SNX8: variants seen among roughly 807,000 people sequenced by gnomAD.
The protein encoded by SNX8 is sorting nexin-8.
SNX8 carries 25 observed loss-of-function variants against 51.6 expected under a neutral mutation model. The ratio of observed to expected loss-of-function variants is 0.48; its 90% confidence interval spans 0.35 to 0.68. The LOEUF (loss-of-function observed/expected upper bound fraction) is 0.68, where lower values mean the gene tolerates loss of function less well. Ranked by LOEUF, SNX8 falls within the 30% of genes least tolerant of loss-of-function variation. SNX8 has a pLI of 0.00. For missense variants in SNX8, 695 were observed against 624.0 expected, an observed-to-expected ratio of 1.11 and a Z score of -1.21; for synonymous variants, 324 against 277.0, an observed-to-expected ratio of 1.17 and a Z score of -1.68.
chr7:2,323,607 G>A (rs147391001), intron 1 of SNX8, among the ~76,000 whole-genome samples: 78 of 152,240 alleles, frequency 5.1e-4, no homozygotes, highest in African/African-American at 1.9e-3. Context: ...TGCAGGAGCC[G>A]CTAAATGATA....
intron 1 of SNX8, among the ~76,000 whole-genome samples, chr7:2,325,452 G>C (rs913311805): frequency 6.6e-6 from 1 of 152,170 alleles, no homozygotes; most frequent in African/African-American, 2.4e-5. Flanking sequence ...AATCATCTGG[G>C]AGGATGCCTA....
intron 1 of SNX8, among the ~76,000 whole-genome samples, chr7:2,341,476 G>A (rs1051335589): frequency 6.0e-4 from 90 of 150,960 alleles, no homozygotes; most frequent in African/African-American, 2.1e-3. Flanking sequence ...TCCAGCCTGG[G>A]CAACAAGAGC....
intron 9 of SNX8, 129 bp downstream of exon 9, chr7:2,257,231 CCTCCA>C: frequency 8.3e-7 from 1 of 1,201,854 alleles, no homozygotes; most frequent in Non-Finnish European, 1.1e-6. Flanking sequence ...CAGCTCCCTG[CCTCCA>C]CTGCACCCCC....
intron 1 of SNX8, among the ~76,000 whole-genome samples, chr7:2,305,627 G>A (rs1796528250): frequency 6.6e-6 from 1 of 152,040 alleles, no homozygotes; most frequent in Non-Finnish European, 1.5e-5. Flanking sequence ...GCCTCCCTAA[G>A]TGCTGGGATT....
At chr7:2,317,251 C>CTTTTT (rs780593342), upstream of SNX8, among the ~76,000 whole-genome samples, 31 of 43,116 alleles carry the variant, frequency 7.2e-4, 4 homozygotes, top group South Asian at 2.9e-3. Context: ...CCTGGACCTT[C>CTTTTT]TTTTTTTTTT....
In SNX8 at chr7:2,254,873, C is replaced by G; in HGVS notation, c.*183G>C. The G allele has an allele frequency of 1.6e-6, 1 of 622,894 alleles. No homozygotes were observed. Among genetic ancestry groups the G allele is most frequent in the Non-Finnish European group, 2.9e-6 (1 of 342,938 alleles). The allele number at this position is 622,894 out of a possible 1,614,324, so 38.6% of individuals were successfully genotyped here. A position where few individuals can be genotyped will look rare whatever the true frequency, so the allele number is the denominator to read the frequency against. On this transcript the variant is annotated 3_prime_UTR_variant, in exon 11 of 11. Transcript: ENST00000222990. The stretch of plus-strand genomic sequence containing the variant: ...GGCCACAGGGCGAAGGACAGTGTGG[C>G]CCAGCTGCCCCCATGGTCCACGGAT...
Position 2,271,954 on chromosome 7 carries a change from C to T in SNX8, c.436G>A (p.Glu146Lys), listed in dbSNP as rs557142514. ...CGCTTCAGGGCTCTCCTCCTGGCCT[C>T]GATGAACTCCCTGTCAGCTGGAGGA... Reference protein sequence around the residue: ...RMLGADREFIEARRRALKRFV... With the variant: ...RMLGADREFIKARRRALKRFV... Residue 146 changes from glutamate to lysine, a missense_variant, in exon 4 of 11, where the codon GAG becomes AAG. Coordinates refer to ENST00000222990, the MANE Select transcript of SNX8 (RefSeq NM_013321.4). The T allele has an allele frequency of 2.5e-6, 4 of 1,614,076 alleles. No individual in the cohort carries two copies. Among genetic ancestry groups the T allele is most frequent in the Non-Finnish European group, 3.4e-6 (4 of 1,179,998 alleles).
intron 1 of SNX8, among the ~76,000 whole-genome samples, chr7:2,306,083 C>A (rs980652151): frequency 1.4e-4 from 21 of 152,190 alleles, no homozygotes; most frequent in African/African-American, 5.1e-4. Context: ...TGTAGGGTCT[C>A]CCAAAGCATT....
chr7:2,272,421 C>A (rs1031286136), intron 3 of SNX8, among the ~76,000 whole-genome samples: 1 of 151,650 alleles, frequency 6.6e-6, no homozygotes, highest in Non-Finnish European at 1.5e-5. Context: ...GTTGCCCAGG[C>A]TGGAGTGCAG....
intron 1 of SNX8, among the ~76,000 whole-genome samples, chr7:2,346,330 C>T (rs1231340180): frequency 6.6e-6 from 1 of 151,644 alleles, no homozygotes; most frequent in African/African-American, 2.4e-5. Flanking sequence ...CCTGTAGCCC[C>T]AGCTACTGGG....
chr7:2,291,003 AAC>A (rs1306126032), intron 1 of SNX8, among the ~76,000 whole-genome samples: 2 of 152,182 alleles, frequency 1.3e-5, no homozygotes, highest in Non-Finnish European at 2.9e-5. Flanking sequence ...GCAAAGTATA[AAC>A]AGTCTTGTAG....
chr7:2,335,961 G>T (rs912928471), intron 1 of SNX8, among the ~76,000 whole-genome samples: 1 of 151,924 alleles, frequency 6.6e-6, no homozygotes, highest in East Asian at 1.9e-4. Flanking sequence ...AAATTAGCTG[G>T]GCATGGTGTC....
chr7:2,313,897 G>C (rs1028647887), intron 1 of SNX8, among the ~76,000 whole-genome samples: 1 of 152,244 alleles, frequency 6.6e-6, no homozygotes, highest in Non-Finnish European at 1.5e-5. Context: ...GCTTGGGAGA[G>C]AGGATGTGGC....
At chr7:2,315,493 T>C (rs1014725413), upstream of SNX8, among the ~76,000 whole-genome samples, 3 of 142,120 alleles carry the variant, frequency 2.1e-5, no homozygotes, top group African/African-American at 5.3e-5. Flanking sequence ...CTCACTCACT[T>C]ACTGCTTCTT....
intron 1 of SNX8, among the ~76,000 whole-genome samples, chr7:2,312,441 A>T (rs1359760976): frequency 6.6e-6 from 1 of 152,180 alleles, no homozygotes; most frequent in Non-Finnish European, 1.5e-5. Flanking sequence ...GTCCCGCCTG[A>T]GACTCACGCT....
At chr7:2,346,612 G>A (rs983544818) in intron 1 of SNX8, among the ~76,000 whole-genome samples, 6 of 151,514 alleles carry the variant, frequency 4.0e-5, no homozygotes, top group African/African-American at 1.5e-4. Flanking sequence ...CGGGCGTGGT[G>A]GTGGGCACCT....
intron 1 of SNX8, chr7:2,299,406 C>T (rs992125450): frequency 3.9e-5 from 6 of 152,250 alleles, no homozygotes; most frequent in African/African-American, 1.4e-4. Flanking sequence ...CAGCCAAGGA[C>T]ATCAGAGCCA....
At chr7:2,273,709 C>G (rs377475747) in intron 3 of SNX8, among the ~76,000 whole-genome samples, 6 of 150,426 alleles carry the variant, frequency 4.0e-5, no homozygotes, top group East Asian at 2.0e-4. Context: ...TGAGACCATC[C>G]TGGCTAACAC....
Position 2,300,476 on chromosome 7 carries a change from G to A in SNX8, c.94+13852C>T, listed in dbSNP as rs931151883. Among the ~76,000 whole-genome samples the A allele has an allele frequency of 4.1e-4, 62 of 151,102 alleles. 1 individual carries two copies. Among genetic ancestry groups the A allele is most frequent in the Non-Finnish European group, 7.5e-4 (51 of 67,802 alleles). On this transcript the variant is annotated intron_variant, in intron 1 of 10. Coordinates refer to ENST00000222990, the MANE Select transcript of SNX8 (RefSeq NM_013321.4). The stretch of plus-strand genomic sequence containing the variant: ...CACCTAGGCTGGAGTGCAGTGGCAC[G>A]ATCTTAGCTCACTGTAGCCTCAGTC...
Sources: allele counts gnomAD v4.1 joint callset (sites outside exome capture counted in the v4.1 genomes callset), GRCh38; gene constraint gnomAD v4.1.1; transcripts MANE v1.5; gene names NCBI Gene and HGNC (gene_info 2026-07-23, HGNC 2026-07-21).